Variants in PLEKHO1 observed in about 807,000 individuals in gnomAD.
The protein encoded by PLEKHO1 is pleckstrin homology domain-containing family O member 1.
PLEKHO1 carries 22 observed loss-of-function variants against 41.4 expected under a neutral mutation model. That is an observed-to-expected ratio of 0.53 (90% CI 0.38 to 0.76). PLEKHO1 has a LOEUF of 0.76. Ranked by LOEUF, PLEKHO1 falls within the 30% of genes least tolerant of loss-of-function variation. The pLI is 0.00. For missense variants in PLEKHO1, 488 were observed against 518.3 expected, an observed-to-expected ratio of 0.94 and a Z score of 0.57; for synonymous variants, 225 against 210.8, an observed-to-expected ratio of 1.07 and a Z score of -0.58.
chr1:150,150,155 A>T lies in PLEKHO1; in HGVS notation c.-103A>T. 2.9e-6 allele frequency: 1 copy of T among 349,664 alleles called. No individual in the cohort carries two copies. 21.7% of individuals were successfully genotyped at this position (349,664 alleles called of 1,614,324 possible). A position where few individuals can be genotyped will look rare whatever the true frequency, so the allele number is the denominator to read the frequency against. ...GAGGGAGGAGCGGCGGCGCCGGGGC[A>T]GCTCCGACGCCCTCCCGCGGGGAAG... is the stretch of plus-strand genomic sequence containing the variant. On this transcript the variant is annotated 5_prime_UTR_variant, in exon 1 of 6. Coordinates refer to ENST00000369124, the MANE Select transcript of PLEKHO1 (RefSeq NM_016274.6).
At chr1:150,157,530 G>A in intron 5 of PLEKHO1, 44 bp downstream of exon 5, 1 of 1,353,996 alleles carries the variant, frequency 7.4e-7, no homozygotes, top group Non-Finnish European at 1.1e-6. Flanking sequence ...CCAATTCTGT[G>A]TCAGTCCATC....
intron 5 of PLEKHO1, among the ~76,000 whole-genome samples, chr1:150,158,234 G>A (rs140464876): frequency 1.3e-5 from 2 of 152,310 alleles, no homozygotes; most frequent in East Asian, 1.9e-4. Context: ...TAATTGCTGA[G>A]AGTCCACAAT....
chr1:150,153,307 C>G (rs587732506), intron 2 of PLEKHO1, among the ~76,000 whole-genome samples: 4 of 152,266 alleles, frequency 2.6e-5, no homozygotes, highest in African/African-American at 7.2e-5. Flanking sequence ...CCCACCTCAG[C>G]CTCCGGAGTA....
chr1:150,149,646 G>C (rs1420843714), upstream of PLEKHO1: 3 of 152,592 alleles, frequency 2.0e-5, no homozygotes, highest in Non-Finnish European at 2.9e-5. Context: ...ATTATCCACC[G>C]CGCCCGCCCA....
chr1:150,156,822 A>G, intron 3 of PLEKHO1, 89 bp from the exon 4 acceptor site: 2 of 818,392 alleles, frequency 2.4e-6, no homozygotes, highest in South Asian at 2.7e-5. Context: ...AGGTCTAAGA[A>G]AGTGAGATTA....
chr1:150,159,621 CAAA>C lies in PLEKHO1; in HGVS notation c.*101_*103del, dbSNP rs782692603. The C allele has an allele frequency of 9.8e-5, 79 of 806,030 alleles. No individual in the cohort carries two copies. Among genetic ancestry groups the C allele is most frequent in the Middle Eastern group, 3.7e-4 (1 of 2,728 alleles). 49.9% of individuals were successfully genotyped at this position (806,030 alleles called of 1,614,324 possible). The stretch of plus-strand genomic sequence containing the variant: ...ATTTACCTCAATCAAAAAAAGAAAA[CAAA>C]AATGAACTCATTGCTCTTGCTGATG... On this transcript the variant is annotated 3_prime_UTR_variant, in exon 6 of 6. Transcript: ENST00000369124.
chr1:150,157,083 G>T (rs1660203014), intron 4 of PLEKHO1, 68 bp downstream of exon 4: 2 of 1,023,186 alleles, frequency 2.0e-6, no homozygotes, highest in South Asian at 1.3e-5. Context: ...ACCCACTGAA[G>T]GGGGAGGATT....
chr1:150,157,049 G>C lies in PLEKHO1; in HGVS notation c.423+34G>C, dbSNP rs191063475. 5.9e-6 allele frequency: 8 copies of C among 1,358,538 alleles called. No individual in the cohort carries two copies. In the Admixed American group the frequency reaches 1.3e-4, roughly 23 times the overall value. 84.2% of individuals were successfully genotyped at this position (1,358,538 alleles called of 1,614,324 possible). On this transcript the variant is annotated intron_variant, in intron 4 of 5. Transcript: ENST00000369124. Reference sequence around the variant, plus strand: ...GCTCACTGTGGGGAGAGGGAGGAACGCTGGGGCAGAGGGAACAGCTGTGAC... The same window carrying C: ...GCTCACTGTGGGGAGAGGGAGGAACCCTGGGGCAGAGGGAACAGCTGTGAC...
chr1:150,159,552 G>A lies in PLEKHO1; in HGVS notation c.*29G>A, dbSNP rs1032706820. 7.0e-7 allele frequency: 1 copy of A among 1,435,404 alleles called. No homozygotes were observed. The highest frequency in any genetic ancestry group is 9.5e-7 in the Non-Finnish European group (1 of 1,051,276). The allele number at this position is 1,435,404 out of a possible 1,614,324, so 88.9% of individuals were successfully genotyped here. A position where few individuals can be genotyped will look rare whatever the true frequency, so the allele number is the denominator to read the frequency against. On this transcript the variant is annotated 3_prime_UTR_variant, in exon 6 of 6. Transcript: ENST00000369124. The stretch of plus-strand genomic sequence containing the variant: ...CAGGGTGGGGTCTGGAACTTGTCGG[G>A]TTGGACAGACTCTTATCTCCGTGTT...
At chr1:150,157,629 C>A (rs1039989731) in intron 5 of PLEKHO1, 143 bp downstream of exon 5, 3 of 607,202 alleles carry the variant, frequency 4.9e-6, no homozygotes, top group Non-Finnish European at 8.7e-6. Flanking sequence ...CCACCCAATG[C>A]CTCTGCCAGA....
intron 2 of PLEKHO1, 122 bp from the exon 3 acceptor site, chr1:150,155,944 C>G (rs1195926555): frequency 1.3e-5 from 11 of 867,256 alleles, no homozygotes; most frequent in Admixed American, 2.2e-5. Flanking sequence ...CGGCCCTCTC[C>G]TCTCCTGGCG....
intron 5 of PLEKHO1, among the ~76,000 whole-genome samples, chr1:150,158,494 T>C (rs1000946285): frequency 3.4e-5 from 5 of 149,150 alleles, no homozygotes; most frequent in African/African-American, 1.2e-4. Flanking sequence ...AGACCAGCCA[T>C]GGCCAACATG....
chr1:150,158,657 C>T (rs1660277430), intron 5 of PLEKHO1, among the ~76,000 whole-genome samples, 162 bp from the exon 6 acceptor site: 1 of 152,196 alleles, frequency 6.6e-6, no homozygotes, highest in African/African-American at 2.4e-5. Flanking sequence ...CCACTGCACT[C>T]CAGCCTGGGT....
intron 1 of PLEKHO1, chr1:150,150,658 G>A: frequency 2.1e-6 from 1 of 468,000 alleles, no homozygotes; most frequent in Non-Finnish European, 3.9e-6. Flanking sequence ...GAACCTGGGA[G>A]CCTCTCCGCG....
chr1:150,156,917 A>C lies in PLEKHO1; in HGVS notation c.325A>C (p.Asn109His). The C allele has an allele frequency of 6.2e-7, 1 of 1,610,496 alleles. No homozygotes were observed. The highest frequency in any genetic ancestry group is 1.1e-5 in the South Asian group (1 of 91,012). The change falls in exon 4 of 6, where the codon AAC (asparagine) becomes CAC (histidine). Residue 109 changes from asparagine to histidine, a missense_variant. By Grantham distance (68) the Asn-to-His change is moderately conservative. Coordinates refer to ENST00000369124, the MANE Select transcript of PLEKHO1 (RefSeq NM_016274.6). Reference protein sequence around the residue: ...HSKQPGNTAPNLIFLAVSPEE... With the variant: ...HSKQPGNTAPHLIFLAVSPEE... Reference sequence around the variant, plus strand: ...AGGAATCTTCCCCTCACAGGCACCCAACCTGATCTTCCTGGCAGTGAGTCC... The same window carrying C: ...AGGAATCTTCCCCTCACAGGCACCCCACCTGATCTTCCTGGCAGTGAGTCC...
chr1:150,152,385 T>C (rs1472845489), intron 2 of PLEKHO1, among the ~76,000 whole-genome samples: 1 of 152,166 alleles, frequency 6.6e-6, no homozygotes, highest in Non-Finnish European at 1.5e-5. Flanking sequence ...TCACTTCAGC[T>C]TCCACCTCCC....
chr1:150,153,491 GA>G (rs1252940318), intron 2 of PLEKHO1: 5 of 21,676 alleles, frequency 2.3e-4, no homozygotes, highest in African/African-American at 3.9e-4. Flanking sequence ...CCCTGACCAA[GA>G]TTTTTTTTTT....
rs782138874 is a variant in PLEKHO1 at position 150,159,528 on chromosome 1, A to G, written c.*5A>G. On this transcript the variant is annotated 3_prime_UTR_variant, in exon 6 of 6. Coordinates refer to ENST00000369124, the MANE Select transcript of PLEKHO1 (RefSeq NM_016274.6). ...TACCGGAAGAGCCTGATGTGAGGGC[A>G]GGGTGGGGTCTGGAACTTGTCGGGT... is the stretch of plus-strand genomic sequence containing the variant. 4 of 1,575,552 alleles carry G rather than the reference A, an allele frequency of 2.5e-6. No homozygotes were observed. Among genetic ancestry groups the G allele is most frequent in the Non-Finnish European group, 3.5e-6 (4 of 1,154,950 alleles).
chr1:150,154,900 T>C (rs1303292394), intron 2 of PLEKHO1: 1 of 152,206 alleles, frequency 6.6e-6, no homozygotes, highest in Non-Finnish European at 1.5e-5. Context: ...TCTGTAACTT[T>C]GGTCCTTGCT....
Sources: gnomAD v4.1 joint callset for allele counts (sites outside exome capture counted in the v4.1 genomes callset) on GRCh38, gnomAD v4.1.1 for gene constraint, MANE v1.5 for transcripts, NCBI Gene and HGNC (gene_info 2026-07-23, HGNC 2026-07-21) for gene names.